Variants in WTIP observed in about 807,000 individuals in gnomAD.
WTIP encodes Wilms tumor protein 1-interacting protein.
Under a neutral mutation model 41.7 loss-of-function variants are expected in WTIP, and 23 were observed. The observed-to-expected ratio is 0.55, with a 90% CI of 0.40 to 0.78. The LOEUF is 0.78. WTIP is among the 30% of genes least tolerant of loss of function. The pLI is 0.00. For missense variants in WTIP, 619 were observed against 610.5 expected (o/e 1.01, Z -0.15); for synonymous variants, 314 against 269.9 (o/e 1.16, Z -1.60).
At position 34,495,746 on chromosome 19, in the gene WTIP, A is replaced by G. The variant is rs781087277; in HGVS notation, c.1127A>G (p.Tyr376Cys). The change falls in exon 7 of 8, where the codon TAC becomes TGC. Residue 376 changes from tyrosine to cysteine, a missense_variant. This residue lies in a region of WTIP where 92 missense variants were observed against 82.4 expected (regional missense o/e 1.12). Transcript: ENST00000590071. Reference protein sequence around the residue: ...TIRVVSMDRDYHVACYHCEDC... With the variant: ...TIRVVSMDRDCHVACYHCEDC... Reference sequence around the variant, plus strand: ...CGTGTGGTGTCCATGGACAGAGACTACCACGTGGCATGTTACCACTGTGAG... The same window carrying G: ...CGTGTGGTGTCCATGGACAGAGACTGCCACGTGGCATGTTACCACTGTGAG... 5 of 1,613,718 alleles carry G rather than the reference A, an allele frequency of 3.1e-6. No homozygotes were observed. Among genetic ancestry groups the G allele is most frequent in the South Asian group, 2.2e-5 (2 of 91,084 alleles).
chr19:34,486,463 G>A (rs2075798031), intron 1 of WTIP, among the ~76,000 whole-genome samples: 1 of 151,734 alleles, frequency 6.6e-6, no homozygotes, highest in African/African-American at 2.4e-5. Flanking sequence ...CGCCTCCCAG[G>A]TTCAAGTGAT....
At chr19:34,492,356 G>C (rs186197121) in intron 2 of WTIP, among the ~76,000 whole-genome samples, 1,768 of 147,960 alleles carry the variant, frequency 0.012, 12 homozygotes, top group Non-Finnish European at 0.018. Flanking sequence ...CTCAAGCGAT[G>C]CTCCTGCCTC....
intron 7 of WTIP, 97 bp from the exon 8 acceptor site, chr19:34,500,032 G>A: frequency 1.3e-6 from 2 of 1,505,216 alleles, no homozygotes; most frequent in East Asian, 2.3e-5. Context: ...GCGGCACCCT[G>A]CAGATCTGCC....
chr19:34,482,364 C>G lies in WTIP; in HGVS notation c.390C>G (p.Pro130=). ...GCTCCGGTCGCTCGGACCCGCGTCCCGGTCCCGGGCCGCCTTCGGTGGGCA... is the reference window on the plus strand; with the variant it reads ...GCTCCGGTCGCTCGGACCCGCGTCCGGGTCCCGGGCCGCCTTCGGTGGGCA... ...SPRSGRSDPR[P]GPGPPSVGSA... The change falls in exon 1 of 8, where the codon CCC becomes CCG. Residue 130 remains proline, a synonymous_variant. Coordinates refer to ENST00000590071, the MANE Select transcript of WTIP (RefSeq NM_001080436.2). 2.2e-6 allele frequency: 3 copies of G among 1,376,526 alleles called. No homozygotes were observed. Among genetic ancestry groups the G allele is most frequent in the Non-Finnish European group, 2.8e-6 (3 of 1,061,338 alleles). The allele number at this position is 1,376,526 out of a possible 1,614,324, so 85.3% of individuals were successfully genotyped here.
At chr19:34,490,980 C>G (rs994684336) in intron 2 of WTIP, among the ~76,000 whole-genome samples, 36 of 151,894 alleles carry the variant, frequency 2.4e-4, no homozygotes, top group African/African-American at 8.5e-4. Context: ...CGTGCCACCA[C>G]GCTCGGCTAA....
At chr19:34,484,742 G>A (rs1206576350) in intron 1 of WTIP, among the ~76,000 whole-genome samples, 1 of 151,992 alleles carries the variant, frequency 6.6e-6, no homozygotes, top group Non-Finnish European at 1.5e-5. Context: ...GATACAAGAA[G>A]GTAGGGTGTG....
At chr19:34,495,678 G>C in intron 6 of WTIP, 25 bp from the exon 7 acceptor site, 1 of 1,613,282 alleles carries the variant, frequency 6.2e-7, no homozygotes, top group South Asian at 1.1e-5. Context: ...TGCTCATCGT[G>C]TGTGAACTCC....
rs1197094795 is a variant in WTIP at position 34,482,517 on chromosome 19, G to T, written c.543G>T (p.Pro181=). The change falls in exon 1 of 8, where the codon CCG becomes CCT. Residue 181 remains proline, a synonymous_variant. Coordinates refer to ENST00000590071, the MANE Select transcript of WTIP (RefSeq NM_001080436.2). ...AGCCTGCGGGGCCGGCTCCCTTCCC[G>T]CTGCCTGCACTCCCGCTGCCCCCTG... ...SPEPAGPAPF[P]LPALPLPPGR... is the part of the protein sequence containing the mutation. 10 of 1,229,844 alleles carry T rather than the reference G, an allele frequency of 8.1e-6. No homozygotes were observed. Among genetic ancestry groups the T allele is most frequent in the South Asian group, 7.4e-5 (2 of 27,016 alleles). 76.2% of individuals were successfully genotyped at this position (1,229,844 alleles called of 1,614,324 possible). A position where few individuals can be genotyped will look rare whatever the true frequency, so the allele number is the denominator to read the frequency against.
chr19:34,499,529 CAA>C (rs1004455084), intron 7 of WTIP, among the ~76,000 whole-genome samples: 2 of 152,024 alleles, frequency 1.3e-5, no homozygotes, highest in South Asian at 2.1e-4. Flanking sequence ...AACGAATAAA[CAA>C]AAAACACCCA....
rs1424569801 is a variant in WTIP at position 34,505,210 on chromosome 19, C to T, written c.*4941C>T. 3.3e-5 allele frequency: 5 copies of T among 152,228 alleles called. No homozygotes were observed. The highest frequency in any genetic ancestry group is 7.3e-5 in the Non-Finnish European group (5 of 68,070). The allele number at this position is 152,228 out of a possible 1,614,324, so 9.4% of individuals were successfully genotyped here. On this transcript the variant is annotated 3_prime_UTR_variant, in exon 8 of 8. Transcript: ENST00000590071. Reference sequence around the variant, plus strand: ...GGCCTGAGGTGGTGGAAGGAGCTCACCTATCTCAGGCCCAGGCCCTTGCCA... The same window carrying T: ...GGCCTGAGGTGGTGGAAGGAGCTCATCTATCTCAGGCCCAGGCCCTTGCCA...
In WTIP at chr19:34,493,675, C is replaced by T; in HGVS notation, c.1031+53C>T. ...GGGACTCGGGCCGTCCTCCCTGGCT[C>T]CTCTGGAAGCATTTTTTTCCTGCTG... On this transcript the variant is annotated intron_variant, in intron 5 of 7. Coordinates refer to ENST00000590071, the MANE Select transcript of WTIP (RefSeq NM_001080436.2). The surrounding 1 kb of genome is among the most constrained non-coding windows in gnomAD (Gnocchi z 4.1). The T allele has an allele frequency of 1.9e-6, 3 of 1,606,900 alleles. No individual in the cohort carries two copies. The highest frequency in any genetic ancestry group is 2.6e-6 in the Non-Finnish European group (3 of 1,176,174).
intron 6 of WTIP, among the ~76,000 whole-genome samples, chr19:34,495,102 G>A (rs1568400927): frequency 6.6e-6 from 1 of 152,270 alleles, no homozygotes; most frequent in Admixed American, 6.5e-5. Flanking sequence ...AGACTCCAAG[G>A]AAGTGAAAAC....
chr19:34,493,483 CG>C lies in WTIP; in HGVS notation c.901-8del. 1 of 1,613,198 alleles carries C rather than the reference CG, an allele frequency of 6.2e-7. No individual in the cohort carries two copies. Among genetic ancestry groups the C allele is most frequent in the Non-Finnish European group, 8.5e-7 (1 of 1,179,782 alleles). The stretch of plus-strand genomic sequence containing the variant: ...CCCGCGCTGACCCCTCAGTGTGCCC[CG>C]CCCACAGATCCTGCAGGCCCTGGGC... On this transcript the variant is annotated splice_region_variant and splice_polypyrimidine_tract_variant and intron_variant, in intron 4 of 7. Transcript: ENST00000590071. The surrounding 1 kb of genome is among the most constrained non-coding windows in gnomAD (Gnocchi z 4.1).
intron 1 of WTIP, among the ~76,000 whole-genome samples, chr19:34,483,476 C>T (rs2075781577): frequency 6.6e-6 from 1 of 152,136 alleles, no homozygotes. Flanking sequence ...CACCGGATAC[C>T]GCCTGACCCA....
chr19:34,491,135 T>G (rs2145599685), intron 2 of WTIP, among the ~76,000 whole-genome samples: 1 of 151,796 alleles, frequency 6.6e-6, no homozygotes, highest in South Asian at 2.1e-4. Context: ...GCCTACAATT[T>G]ATTTTTGATC....
At chr19:34,489,254 CCTGA>C (rs2075813642) in intron 1 of WTIP, among the ~76,000 whole-genome samples, 1 of 150,602 alleles carries the variant, frequency 6.6e-6, no homozygotes, top group Non-Finnish European at 1.5e-5. Flanking sequence ...CTCGTCTCTG[CCTGA>C]CGTTATTTGA....
At chr19:34,491,769 C>T (rs1332273897) in intron 2 of WTIP, among the ~76,000 whole-genome samples, 2 of 152,088 alleles carry the variant, frequency 1.3e-5, no homozygotes, top group East Asian at 1.9e-4. Flanking sequence ...CTCAGCCTCC[C>T]GAGTAGCTGG....
At chr19:34,484,813 C>T (rs911576709) in intron 1 of WTIP, among the ~76,000 whole-genome samples, 6 of 151,224 alleles carry the variant, frequency 4.0e-5, no homozygotes, top group African/African-American at 1.2e-4. Flanking sequence ...ACCTGTAATC[C>T]CAGCACTTTG....
At position 34,511,352 on chromosome 19, in the gene WTIP, T is replaced by C. The variant is rs982262967; in HGVS notation, c.*11083T>C. ...AACAATATGGGGGAAACTGCCCCCATGATTCAAAATATTTCCCATTGGGTC... is the reference window on the plus strand; with the variant it reads ...AACAATATGGGGGAAACTGCCCCCACGATTCAAAATATTTCCCATTGGGTC... On this transcript the variant is annotated 3_prime_UTR_variant, in exon 8 of 8. Coordinates refer to ENST00000590071, the MANE Select transcript of WTIP (RefSeq NM_001080436.2). The C allele has an allele frequency of 3.9e-5, 6 of 152,154 alleles. No individual in the cohort carries two copies. Among genetic ancestry groups the C allele is most frequent in the African/African-American group, 1.4e-4 (6 of 41,428 alleles). The allele number at this position is 152,154 out of a possible 1,614,324, so 9.4% of individuals were successfully genotyped here.
Sources: gnomAD v4.1 joint callset for allele counts (sites outside exome capture counted in the v4.1 genomes callset) on GRCh38, gnomAD v4.1.1 for gene constraint, gnomAD v4.1.1 regional missense constraint, Gnocchi (gnomAD v3.1) non-coding constraint, MANE v1.5 for transcripts, NCBI Gene and HGNC (gene_info 2026-07-23, HGNC 2026-07-21) for gene names.